Variants in SLC24A4 observed in about 807,000 individuals in gnomAD.
SLC24A4 encodes the protein sodium/potassium/calcium exchanger 4.
In SLC24A4, 53 loss-of-function variants were observed where a neutral mutation model predicts 79.0. That is an observed-to-expected ratio of 0.67 (90% CI 0.54 to 0.84). The LOEUF (loss-of-function observed/expected upper bound fraction) is 0.84. Among genes scored for constraint, SLC24A4 ranks in the 40% least tolerant of loss-of-function variants. SLC24A4 has a pLI of 0.00. For synonymous variants in SLC24A4, 323 were observed against 323.8 expected (o/e 1.00, Z 0.03); for missense variants, 731 against 822.0 (o/e 0.89, Z 1.35).
At chr14:92,474,805 A>G (rs1485187769) in intron 12 of SLC24A4, among the ~76,000 whole-genome samples, 682 of 34,298 alleles carry the variant, frequency 0.02, 6 homozygotes, top group Middle Eastern at 0.045. Context: ...ATATATATAC[A>G]TATATACATA....
intron 1 of SLC24A4, among the ~76,000 whole-genome samples, chr14:92,324,409 G>A (rs1885002879): frequency 6.6e-6 from 1 of 152,232 alleles, no homozygotes; most frequent in Non-Finnish European, 1.5e-5. Context: ...GTGCCCTGAG[G>A]TGTTTGTTCT....
At chr14:92,335,218 T>C (rs914128382) in intron 2 of SLC24A4, among the ~76,000 whole-genome samples, 1 of 152,210 alleles carries the variant, frequency 6.6e-6, no homozygotes, top group Non-Finnish European at 1.5e-5. Flanking sequence ...CCCCTATTAT[T>C]GATACTTTGT....
At chr14:92,420,145 C>T (rs4904905) in intron 2 of SLC24A4, among the ~76,000 whole-genome samples, 51,418 of 151,948 alleles carry the variant, frequency 0.34, 8,919 homozygotes, top group Non-Finnish European at 0.35. Context: ...CCAACCCTGT[C>T]GACACTTTGA....
At chr14:92,437,079 C>G (rs1638659417) in intron 3 of SLC24A4, among the ~76,000 whole-genome samples, 1 of 152,210 alleles carries the variant, frequency 6.6e-6, no homozygotes. Flanking sequence ...CAGCCTTTCT[C>G]TGTTGCAAAC....
chr14:92,444,867 AT>A (rs971024575), intron 7 of SLC24A4, among the ~76,000 whole-genome samples: 4 of 151,930 alleles, frequency 2.6e-5, no homozygotes, highest in Admixed American at 6.6e-5. Context: ...AAACAAAAAA[AT>A]GATACACCCT....
intron 3 of SLC24A4, 91 bp downstream of exon 3, chr14:92,434,079 T>C: frequency 9.8e-7 from 1 of 1,021,548 alleles, no homozygotes; most frequent in Non-Finnish European, 1.6e-6. Flanking sequence ...CTGAGATCTT[T>C]TATTCTTGTA....
intron 7 of SLC24A4, among the ~76,000 whole-genome samples, chr14:92,444,583 G>A (rs1386392079): frequency 6.6e-6 from 1 of 152,160 alleles, no homozygotes; most frequent in South Asian, 2.1e-4. Flanking sequence ...GGCTGGGCGC[G>A]GTGGCTCACG....
intron 2 of SLC24A4, among the ~76,000 whole-genome samples, chr14:92,366,572 G>A (rs1887850162): frequency 6.6e-6 from 1 of 152,192 alleles, no homozygotes; most frequent in Admixed American, 6.5e-5. Context: ...TCATTGCTGA[G>A]GGTGGAATCT....
At chr14:92,481,135 G>A (rs1406920622) in intron 12 of SLC24A4, among the ~76,000 whole-genome samples, 1 of 152,160 alleles carries the variant, frequency 6.6e-6, no homozygotes, top group African/African-American at 2.4e-5. Flanking sequence ...TATTTGCACA[G>A]AGCCTCAAAG....
chr14:92,363,754 C>T (rs899418832), intron 2 of SLC24A4, among the ~76,000 whole-genome samples: 3 of 151,980 alleles, frequency 2.0e-5, no homozygotes, highest in Non-Finnish European at 4.4e-5. Flanking sequence ...CACTTGAACC[C>T]GGGAGGTGCA....
chr14:92,355,202 C>T (rs771924754), intron 2 of SLC24A4, among the ~76,000 whole-genome samples: 10 of 152,146 alleles, frequency 6.6e-5, no homozygotes, highest in Non-Finnish European at 1.2e-4. Context: ...GGCCTCAATT[C>T]GCTGAGAGGT....
At chr14:92,429,342 C>T (rs114687891) in intron 2 of SLC24A4, among the ~76,000 whole-genome samples, 2,759 of 152,128 alleles carry the variant, frequency 0.018, 102 homozygotes, top group African/African-American at 0.061. Flanking sequence ...CTTCAAACCA[C>T]GAAGAATGAG....
chr14:92,351,813 G>A (rs1220299689), intron 2 of SLC24A4, among the ~76,000 whole-genome samples: 3 of 151,882 alleles, frequency 2.0e-5, no homozygotes, highest in Admixed American at 6.6e-5. Context: ...GCAGTGAGCC[G>A]AGACTGCACC....
rs1404950937 is a variant in SLC24A4, at chr14:92,443,451, A to G, written c.634A>G (p.Ile212Val). The G allele has an allele frequency of 1.9e-6, 3 of 1,614,126 alleles. No homozygotes were observed. The highest frequency in any genetic ancestry group is 2.5e-6 in the Non-Finnish European group (3 of 1,180,016). ...AVCRDSVYYT[I>V]SVIVLIVFIY... Reference sequence around the variant, plus strand: ...GTGCCGAGACTCCGTGTACTACACCATCTCTGTCATCGTGCTCATCGTGGT... The same window carrying G: ...GTGCCGAGACTCCGTGTACTACACCGTCTCTGTCATCGTGCTCATCGTGGT... Residue 212 changes from isoleucine to valine, a missense_variant, in exon 7 of 17, where the codon ATC (isoleucine) becomes GTC (valine). By Grantham distance (29) the Ile-to-Val change is conservative (BLOSUM62 3). Transcript: ENST00000532405.
chr14:92,454,184 T>C, intron 11 of SLC24A4, 115 bp downstream of exon 11: 4 of 1,125,294 alleles, frequency 3.6e-6, no homozygotes, highest in Non-Finnish European at 5.0e-6. Flanking sequence ...AAGGATGCCC[T>C]GGGGCCTCCA....
chr14:92,375,589 G>A (rs1341261959), intron 2 of SLC24A4, among the ~76,000 whole-genome samples: 1 of 152,186 alleles, frequency 6.6e-6, no homozygotes, highest in East Asian at 1.9e-4. Context: ...TAAATAAAAT[G>A]TGCTATGTCC....
At position 92,493,923 on chromosome 14, in the gene SLC24A4, C is replaced by T. The variant is rs1418835261; in HGVS notation, c.*295C>T. 1 of 386,804 alleles carries T rather than the reference C, an allele frequency of 2.6e-6. No individual in the cohort carries two copies. Among genetic ancestry groups the T allele is most frequent in the East Asian group, 4.7e-5 (1 of 21,190 alleles). The allele number at this position is 386,804 out of a possible 1,614,324, so 24.0% of individuals were successfully genotyped here. On this transcript the variant is annotated 3_prime_UTR_variant, in exon 17 of 17. Coordinates refer to ENST00000532405, the MANE Select transcript of SLC24A4 (RefSeq NM_153646.4). Reference sequence around the variant, plus strand: ...AGATGTGCCAAGCATCTCATCTCTCCTGCACACTTTAGTCAGAAGGACTTC... The same window carrying T: ...AGATGTGCCAAGCATCTCATCTCTCTTGCACACTTTAGTCAGAAGGACTTC...
At chr14:92,405,025 T>C (rs968479090) in intron 2 of SLC24A4, among the ~76,000 whole-genome samples, 1 of 150,860 alleles carries the variant, frequency 6.6e-6, no homozygotes, top group Non-Finnish European at 1.5e-5. Context: ...TATAGGCGGG[T>C]ACATATCTGC....
At chr14:92,449,310 AC>A in intron 10 of SLC24A4, 94 bp downstream of exon 10, 1 of 1,268,540 alleles carries the variant, frequency 7.9e-7, no homozygotes, top group Admixed American at 2.2e-5. Flanking sequence ...ACACACACAC[AC>A]ACACACACAC....
Sources: allele counts gnomAD v4.1 joint callset (sites outside exome capture counted in the v4.1 genomes callset), GRCh38; gene constraint gnomAD v4.1.1; transcripts MANE v1.5; gene names NCBI Gene and HGNC (gene_info 2026-07-23, HGNC 2026-07-21).